FLNB: variants seen among roughly 807,000 people sequenced by gnomAD.
The protein encoded by FLNB is filamin-B.
In FLNB, 111 loss-of-function variants were observed where a neutral mutation model predicts 250.6. The observed-to-expected ratio is 0.44, with a 90% CI of 0.38 to 0.52. FLNB has a LOEUF of 0.52. Ranked by LOEUF, FLNB falls within the 20% of genes least tolerant of loss-of-function variation. The probability of loss-of-function intolerance (pLI) is 0.00; values close to 1 mark genes in which losing one functional copy is unlikely to be tolerated. For missense variants in FLNB, 2,869 were observed against 3,447.8 expected (o/e 0.83, Z 4.20); for synonymous variants, 1,302 against 1,372.1 (o/e 0.95, Z 1.13).
chr3:58,155,046 T>C (rs1157443160), intron 40 of FLNB, 118 bp downstream of exon 40: 3 of 971,718 alleles, frequency 3.1e-6, no homozygotes, highest in Non-Finnish European at 4.9e-6. Flanking sequence ...TATGGGCACA[T>C]GGGACAGCCT....
At chr3:58,070,046 TTTC>T (rs2097191730) in intron 1 of FLNB, among the ~76,000 whole-genome samples, 2 of 108,092 alleles carry the variant, frequency 1.9e-5, no homozygotes, top group Non-Finnish European at 3.7e-5. Context: ...TGACTCTTTC[TTTC>T]TTTTTTTTTT....
At chr3:58,077,328 A>G (rs1428509735) in intron 2 of FLNB, 34 bp downstream of exon 2, 2 of 1,609,306 alleles carry the variant, frequency 1.2e-6, no homozygotes, top group South Asian at 2.2e-5. Flanking sequence ...CCATCTGTCC[A>G]GGATGGGGGT....
intron 19 of FLNB, 127 bp from the exon 20 acceptor site, chr3:58,121,114 C>G: frequency 8.6e-7 from 1 of 1,166,694 alleles, no homozygotes; most frequent in Middle Eastern, 2.6e-4. Context: ...TCCTCTGCAG[C>G]AGCTGTTGCT....
At chr3:58,082,426 T>C (rs991824686) in intron 4 of FLNB, among the ~76,000 whole-genome samples, 32 of 152,230 alleles carry the variant, frequency 2.1e-4, no homozygotes, top group African/African-American at 7.2e-4. Flanking sequence ...ACTTAATGCC[T>C]TTTCTATGGG....
intron 12 of FLNB, 138 bp downstream of exon 12, chr3:58,107,011 A>ATTTGTTTG (rs543270582): frequency 1.9e-4 from 138 of 727,612 alleles, no homozygotes; most frequent in Admixed American, 2.2e-4. Context: ...ACAGGCCTGC[A>ATTTGTTTG]TTTGTTTGTT....
At chr3:58,068,973 C>A (rs1000628772) in intron 1 of FLNB, among the ~76,000 whole-genome samples, 6 of 151,526 alleles carry the variant, frequency 4.0e-5, no homozygotes, top group Admixed American at 3.3e-4. Flanking sequence ...ATGGCGGAAC[C>A]CTGTCTCTAT....
intron 12 of FLNB, 116 bp from the exon 13 acceptor site, chr3:58,108,342 G>A: frequency 1.4e-6 from 1 of 737,448 alleles, no homozygotes. Context: ...TGTGGATACT[G>A]TAAAACCAGA....
intron 33 of FLNB, among the ~76,000 whole-genome samples, 168 bp downstream of exon 33, chr3:58,146,217 CCAGA>C (rs1337016156): frequency 6.6e-6 from 1 of 152,176 alleles, no homozygotes; most frequent in Non-Finnish European, 1.5e-5. Flanking sequence ...CGTCTTCTAC[CCAGA>C]CAGACATTTT....
intron 1 of FLNB, among the ~76,000 whole-genome samples, chr3:58,046,153 C>T (rs551633824): frequency 5.3e-4 from 80 of 152,046 alleles, no homozygotes; most frequent in African/African-American, 1.8e-3. Context: ...ATCAAGGTAA[C>T]ACAGTGAGTT....
rs2097351245 is a variant in FLNB, at chr3:58,155,068, A to G, written c.6772+140A>G. 4 of 856,466 alleles carry G rather than the reference A, an allele frequency of 4.7e-6. No individual in the cohort carries two copies. In the African/African-American group the frequency reaches 6.7e-5, roughly 14 times the overall value. 53.1% of individuals were successfully genotyped at this position (856,466 alleles called of 1,614,324 possible). ...ACATGGGACAGCCTCCTAGAAATCC[A>G]GTTGCAAGATACATGGCCAGACCTC... On this transcript the variant is annotated intron_variant, in intron 40 of 45. Transcript: ENST00000295956.
chr3:58,139,469 G>A (rs537323670), intron 29 of FLNB, among the ~76,000 whole-genome samples: 1 of 152,312 alleles, frequency 6.6e-6, no homozygotes, highest in East Asian at 1.9e-4. Context: ...ATGGAGAGGT[G>A]CATGAAGACT....
rs187643234 is a variant in FLNB at position 58,112,153 on chromosome 3, G to C, written c.2580G>C (p.Val860=). ...AEGPGLSKAG[V]ENGKPTHFTV... is the part of the protein sequence containing the mutation. The stretch of plus-strand genomic sequence containing the variant: ...CTTCACAGTATATCTTTCCAGGTGT[G>C]GAAAATGGGAAACCGACCCACTTCA... The change falls in exon 18 of 46, where the codon GTG becomes GTC. Residue 860 remains valine (V), a synonymous_variant. Transcript: ENST00000295956. 2 of 1,614,102 alleles carry C rather than the reference G, an allele frequency of 1.2e-6. No homozygotes were observed. The highest frequency in any genetic ancestry group is 3.3e-5 in the Admixed American group (2 of 60,020).
intron 1 of FLNB, among the ~76,000 whole-genome samples, chr3:58,061,039 G>A (rs2097177794): frequency 6.6e-6 from 1 of 152,050 alleles, no homozygotes; most frequent in South Asian, 2.1e-4. Flanking sequence ...AGACAATCAG[G>A]CAAACCCACA....
rs754939627 is a variant in FLNB, at chr3:58,170,618, C to T, written c.7665C>T (p.Pro2555=). 6.2e-7 allele frequency: 1 copy of T among 1,614,128 alleles called. No individual in the cohort carries two copies. The highest frequency in any genetic ancestry group is 1.1e-5 in the South Asian group (1 of 91,084). ...TCGGGGTCCATGGGCCCACCACCCC[C>T]TGCGAGGAGGTCTCCATGAAGCATG... is the stretch of plus-strand genomic sequence containing the variant. ...LLIGVHGPTT[P]CEEVSMKHVG... is the part of the protein sequence containing the mutation. The change falls in exon 46 of 46, where the codon CCC becomes CCT. Residue 2555 remains proline (P), a synonymous_variant. Transcript: ENST00000295956.
intron 1 of FLNB, among the ~76,000 whole-genome samples, chr3:58,029,029 C>G (rs115121115): frequency 0.02 from 3,030 of 152,196 alleles, 104 homozygotes; most frequent in African/African-American, 0.068. Context: ...CTGCAGTGAA[C>G]TATAATCAGG....
At chr3:58,079,417 T>A (rs1167507441) in intron 3 of FLNB, among the ~76,000 whole-genome samples, 1 of 152,112 alleles carries the variant, frequency 6.6e-6, no homozygotes, top group African/African-American at 2.4e-5. Context: ...CACACCTGGC[T>A]AATTTTTGTA....
intron 23 of FLNB, among the ~76,000 whole-genome samples, chr3:58,126,242 T>C (rs1280407479): frequency 6.6e-6 from 1 of 152,066 alleles, no homozygotes. Context: ...CTGGGCTTGG[T>C]AGTACACGCC....
Position 58,094,827 on chromosome 3 carries a change from C to T in FLNB, c.788-9C>T, listed in dbSNP as rs2097235304. 1.2e-6 allele frequency: 2 copies of T among 1,611,246 alleles called. No individual in the cohort carries two copies. The highest frequency in any genetic ancestry group is 1.7e-6 in the Non-Finnish European group (2 of 1,177,472). ...TGGCTTCTAACATGTCTGTGTAAAC[C>T]TGTGGCAGGAATCGAGCCCACTGGA... is the stretch of plus-strand genomic sequence containing the variant. On this transcript the variant is annotated splice_polypyrimidine_tract_variant and intron_variant, in intron 4 of 45. Coordinates refer to ENST00000295956, the MANE Select transcript of FLNB (RefSeq NM_001457.4).
Position 58,146,870 on chromosome 3 carries a change from A to G in FLNB, c.5605A>G (p.Ile1869Val). Residue 1869 changes from isoleucine to valine, a missense_variant, in exon 34 of 46, where the codon ATT becomes GTT. Physicochemically the swap from Ile to Val is conservative, Grantham distance 29. Transcript: ENST00000295956. ...CCCCTCAAAAGCAGAAATCAGCTGC[A>G]TTGACAATAAAGATGGGACATGCAC... ...EGPSKAEISC[I>V]DNKDGTCTVT... 9 of 1,614,210 alleles carry G rather than the reference A, an allele frequency of 5.6e-6. No individual in the cohort carries two copies. Among genetic ancestry groups the G allele is most frequent in the Non-Finnish European group, 7.6e-6 (9 of 1,180,038 alleles).
Sources: gnomAD v4.1 joint callset for allele counts (sites outside exome capture counted in the v4.1 genomes callset) on GRCh38, gnomAD v4.1.1 for gene constraint, MANE v1.5 for transcripts, NCBI Gene and HGNC (gene_info 2026-07-23, HGNC 2026-07-21) for gene names.